Variants in LHFPL6 observed in about 807,000 individuals in gnomAD.
LHFPL6 encodes LHFPL tetraspan subfamily member 6 protein.
LHFPL6 carries 9 observed loss-of-function variants against 20.6 expected under a neutral mutation model. The observed-to-expected ratio is 0.44, with a 90% CI of 0.26 to 0.76. LHFPL6 has a LOEUF of 0.76. Ranked by LOEUF, LHFPL6 falls within the 30% of genes least tolerant of loss-of-function variation. LHFPL6 has a pLI of 0.20. For synonymous variants in LHFPL6, 105 were observed against 98.7 expected, an observed-to-expected ratio of 1.06 and a Z score of -0.38; for missense variants, 218 against 253.5, an observed-to-expected ratio of 0.86 and a Z score of 0.95.
intron 2 of LHFPL6, among the ~76,000 whole-genome samples, chr13:39,545,025 G>A (rs919334112): frequency 5.9e-5 from 9 of 151,604 alleles, no homozygotes; most frequent in African/African-American, 1.9e-4. Flanking sequence ...GGCAGATCAC[G>A]AGGTCAGGAG....
intron 3 of LHFPL6, among the ~76,000 whole-genome samples, chr13:39,373,640 A>G (rs1870215586): frequency 6.6e-6 from 1 of 152,208 alleles, no homozygotes; most frequent in African/African-American, 2.4e-5. Context: ...TCAATAAACG[A>G]GCACAGCTGA....
chr13:39,527,161 C>T (rs959075412), intron 2 of LHFPL6, among the ~76,000 whole-genome samples: 10 of 152,106 alleles, frequency 6.6e-5, no homozygotes, highest in Admixed American at 3.3e-4. Flanking sequence ...GGTTAAAGGG[C>T]GTTTATGTTT....
intron 2 of LHFPL6, among the ~76,000 whole-genome samples, chr13:39,416,763 T>C (rs1871359597): frequency 6.6e-6 from 1 of 152,230 alleles, no homozygotes; most frequent in Non-Finnish European, 1.5e-5. Flanking sequence ...ATAATTCTGA[T>C]GTCAGAGGTG....
At chr13:39,495,368 T>C (rs533169453) in intron 2 of LHFPL6, among the ~76,000 whole-genome samples, 7 of 152,222 alleles carry the variant, frequency 4.6e-5, no homozygotes, top group Non-Finnish European at 8.8e-5. Context: ...TCAGTGAGTC[T>C]AGTCAATCAT....
intron 2 of LHFPL6, among the ~76,000 whole-genome samples, chr13:39,395,547 G>A (rs1566101702): frequency 6.6e-6 from 1 of 152,152 alleles, no homozygotes; most frequent in African/African-American, 2.4e-5. Context: ...ATTCCTCCCC[G>A]GAGCCTGGGC....
intron 2 of LHFPL6, among the ~76,000 whole-genome samples, chr13:39,420,882 T>C (rs1871464736): frequency 6.6e-6 from 1 of 152,204 alleles, no homozygotes; most frequent in Non-Finnish European, 1.5e-5. Context: ...TGAAGTTACG[T>C]GTCCTGGAAA....
At chr13:39,573,018 CGT>C (rs1871982608) in intron 2 of LHFPL6, among the ~76,000 whole-genome samples, 1 of 152,142 alleles carries the variant, frequency 6.6e-6, no homozygotes, top group African/African-American at 2.4e-5. Context: ...CTTATTTCCA[CGT>C]AAAGAAGAAA....
In LHFPL6 at chr13:39,507,767, T is replaced by C. The variant is rs1027859387; in HGVS notation, c.385+93065A>G. Among the ~76,000 whole-genome samples the C allele has an allele frequency of 5.9e-5, 9 of 152,246 alleles. No individual in the cohort carries two copies. In the South Asian group the frequency reaches 1.7e-3, roughly 28 times the overall value. ...TGTGGTAGATATTATTAACTTCATTTTACAGAAAAGAAAAACTGAGTTCAG... is the reference window on the plus strand; with the variant it reads ...TGTGGTAGATATTATTAACTTCATTCTACAGAAAAGAAAAACTGAGTTCAG... On this transcript the variant is annotated intron_variant, in intron 2 of 3. Coordinates refer to ENST00000379589, the MANE Select transcript of LHFPL6 (RefSeq NM_005780.3).
At chr13:39,400,700 G>A (rs529147156) in intron 2 of LHFPL6, among the ~76,000 whole-genome samples, 199 of 139,216 alleles carry the variant, frequency 1.4e-3, no homozygotes, top group Non-Finnish European at 2.3e-3. Flanking sequence ...GGAGAATGGC[G>A]TGAACCCGGG....
chr13:39,348,715 G>A (rs1296065160), intron 3 of LHFPL6, among the ~76,000 whole-genome samples: 2 of 152,118 alleles, frequency 1.3e-5, no homozygotes, highest in Non-Finnish European at 2.9e-5. Context: ...ACCATTGTCA[G>A]AAGCTAAGCC....
intron 2 of LHFPL6, among the ~76,000 whole-genome samples, chr13:39,486,025 A>C (rs1283558298): frequency 6.6e-6 from 1 of 152,140 alleles, no homozygotes; most frequent in Non-Finnish European, 1.5e-5. Flanking sequence ...AGGGTAAATA[A>C]CCTGCTCAGG....
chr13:39,456,014 T>C (rs2138424847), intron 2 of LHFPL6, among the ~76,000 whole-genome samples: 1 of 152,338 alleles, frequency 6.6e-6, no homozygotes, highest in East Asian at 1.9e-4. Context: ...TGATAAGAGC[T>C]GGAATGTGTT....
At chr13:39,534,861 C>T (rs561950524) in intron 2 of LHFPL6, among the ~76,000 whole-genome samples, 2 of 152,268 alleles carry the variant, frequency 1.3e-5, no homozygotes, top group African/African-American at 4.8e-5. Context: ...CCTCTCACTA[C>T]CCATTTTATT....
chr13:39,525,961 A>G (rs1001779271), intron 2 of LHFPL6, among the ~76,000 whole-genome samples: 2 of 152,190 alleles, frequency 1.3e-5, no homozygotes, highest in African/African-American at 4.8e-5. Flanking sequence ...ATGTTATCTA[A>G]TAGGCACTAA....
At chr13:39,529,331 A>T (rs1870389158) in intron 2 of LHFPL6, among the ~76,000 whole-genome samples, 1 of 152,136 alleles carries the variant, frequency 6.6e-6, no homozygotes, top group Non-Finnish European at 1.5e-5. Context: ...ATCTCAGGTG[A>T]TCCACCCACC....
intron 2 of LHFPL6, among the ~76,000 whole-genome samples, chr13:39,465,899 A>G (rs10492735): frequency 0.16 from 23,660 of 151,846 alleles, 3,445 homozygotes; most frequent in East Asian, 0.51. Context: ...TATGTCTGGA[A>G]GATTTCCTTG....
intron 2 of LHFPL6, among the ~76,000 whole-genome samples, chr13:39,383,752 A>G (rs1870496954): frequency 6.6e-6 from 1 of 152,240 alleles, no homozygotes; most frequent in African/African-American, 2.4e-5. Flanking sequence ...ATACTCTGTC[A>G]ATAAGAAGCT....
At chr13:39,397,519 C>T (rs952317436) in intron 2 of LHFPL6, among the ~76,000 whole-genome samples, 17 of 152,158 alleles carry the variant, frequency 1.1e-4, no homozygotes, top group Non-Finnish European at 1.8e-4. Flanking sequence ...AGAAATTTAC[C>T]GACTTTTACT....
chr13:39,598,850 C>T (rs1303260681), intron 2 of LHFPL6, among the ~76,000 whole-genome samples: 7 of 152,152 alleles, frequency 4.6e-5, no homozygotes, highest in Admixed American at 4.6e-4. Flanking sequence ...AGCCACCGCA[C>T]CCGGCCAGCT....
Sources: allele counts gnomAD v4.1 joint callset (sites outside exome capture counted in the v4.1 genomes callset), GRCh38; gene constraint gnomAD v4.1.1; transcripts MANE v1.5; gene names NCBI Gene and HGNC (gene_info 2026-07-23, HGNC 2026-07-21).